PPOX: variants seen among roughly 807,000 people sequenced by gnomAD.
PPOX encodes variegate porphyria.
A neutral mutation model predicts 54.1 loss-of-function variants in PPOX; 23 were observed. The observed-to-expected ratio is 0.43, with a 90% CI of 0.31 to 0.60. PPOX has a LOEUF of 0.60. Among genes scored for constraint, PPOX ranks in the 20% least tolerant of loss-of-function variants. The pLI, the probability that PPOX is intolerant of heterozygous loss-of-function variation, is 0.13. For synonymous variants in PPOX, 224 were observed against 236.1 expected, an observed-to-expected ratio of 0.95 and a Z score of 0.47; for missense variants, 512 against 601.1, an observed-to-expected ratio of 0.85 and a Z score of 1.55.
intron 4 of PPOX, 31 bp downstream of exon 4, chr1:161,167,517 T>C (rs1659420350): frequency 2.5e-6 from 4 of 1,571,638 alleles, no homozygotes; most frequent in Non-Finnish European, 3.5e-6. Flanking sequence ...CCTTTTACTG[T>C]GCCCTCATCC....
At chr1:161,170,223 G>C in intron 9 of PPOX, 186 bp from the exon 10 acceptor site, 1 of 843,628 alleles carries the variant, frequency 1.2e-6, no homozygotes, top group South Asian at 1.5e-5. Flanking sequence ...TACTCGGGAG[G>C]CTAAGGCAGG....
chr1:161,170,053 A>C, intron 9 of PPOX, 29 bp downstream of exon 9: 1 of 1,596,130 alleles, frequency 6.3e-7, no homozygotes, highest in South Asian at 1.1e-5. Context: ...GAGGCTGGGC[A>C]TGGTGGCTCA....
downstream of PPOX, chr1:161,175,312 T>G: frequency 8.2e-7 from 1 of 1,217,742 alleles, no homozygotes; most frequent in Non-Finnish European, 1.2e-6. Context: ...CCTCTGACAC[T>G]GGCAGTCTGG....
chr1:161,172,252 T>C (rs781133882), downstream of PPOX: 2 of 1,614,152 alleles, frequency 1.2e-6, no homozygotes, highest in Non-Finnish European at 1.7e-6. Context: ...TCATTGCCCT[T>C]ATCTCCTCGG....
chr1:161,174,972 T>A, downstream of PPOX: 1 of 1,608,348 alleles, frequency 6.2e-7, no homozygotes, highest in Non-Finnish European at 8.5e-7. Flanking sequence ...TCAGTCAAAA[T>A]GAGGTGGAGA....
At chr1:161,167,552 C>CTTTTATT in intron 4 of PPOX, 66 bp downstream of exon 4, 2 of 573,734 alleles carry the variant, frequency 3.5e-6, no homozygotes, top group Non-Finnish European at 5.4e-6. Flanking sequence ...TTTCTTTCTT[C>CTTTTATT]TTTTCTTTTT....
At position 161,171,094 on chromosome 1, in the gene PPOX, A is replaced by G. The variant is rs766465470; in HGVS notation, c.1352A>G (p.Tyr451Cys). ...RLPLTLAGAS[Y>C]EGVAVNDCIE... Reference sequence around the variant, plus strand: ...CCCCTGACTCTGGCTGGAGCCTCCTATGAGGGAGTTGCTGTTAATGACTGT... The same window carrying G: ...CCCCTGACTCTGGCTGGAGCCTCCTGTGAGGGAGTTGCTGTTAATGACTGT... The change falls in exon 13 of 13, where the codon TAT (tyrosine) becomes TGT (cysteine). Residue 451 changes from tyrosine (Y) to cysteine (C), a missense_variant. Coordinates refer to ENST00000367999, the MANE Select transcript of PPOX (RefSeq NM_001122764.3). 6.2e-7 allele frequency: 1 copy of G among 1,614,036 alleles called. No homozygotes were observed. The highest frequency in any genetic ancestry group is 1.1e-5 in the South Asian group (1 of 91,080).
At position 161,168,138 on chromosome 1, in the gene PPOX, C is replaced by T; in HGVS notation, c.471+11C>T. The T allele has an allele frequency of 6.2e-7, 1 of 1,614,154 alleles. No individual in the cohort carries two copies. ...CGCCTTGGACCTGAGGTGACACTTGCCCAGAGGCCCCAAACCTCTTCCCTC... is the reference window on the plus strand; with the variant it reads ...CGCCTTGGACCTGAGGTGACACTTGTCCAGAGGCCCCAAACCTCTTCCCTC... On this transcript the variant is annotated intron_variant, in intron 5 of 12. Coordinates refer to ENST00000367999, the MANE Select transcript of PPOX (RefSeq NM_001122764.3).
downstream of PPOX, chr1:161,176,070 G>C: frequency 6.2e-7 from 1 of 1,613,118 alleles, no homozygotes; most frequent in Non-Finnish European, 8.5e-7. Flanking sequence ...TCCTGGGGGT[G>C]AGATCTAGGG....
chr1:161,175,811 A>T (rs1341232193), downstream of PPOX: 1 of 1,613,734 alleles, frequency 6.2e-7, no homozygotes, highest in Non-Finnish European at 8.5e-7. Context: ...CACTTACCTA[A>T]GAGAGGAGAT....
intron 4 of PPOX, 42 bp from the exon 5 acceptor site, chr1:161,167,953 T>C (rs12027271): frequency 6.2e-7 from 1 of 1,613,290 alleles, no homozygotes; most frequent in Non-Finnish European, 8.5e-7. Context: ...GCTGGGGAGG[T>C]ATGTCAGGAG....
downstream of PPOX, chr1:161,173,885 G>A (rs755642811): frequency 4.3e-6 from 7 of 1,613,928 alleles, no homozygotes; most frequent in East Asian, 2.2e-5. Context: ...TCATAGCAAC[G>A]GCAACATGGC....
intron 8 of PPOX, 74 bp from the exon 9 acceptor site, chr1:161,169,832 G>C: frequency 1.2e-6 from 2 of 1,614,068 alleles, no homozygotes; most frequent in Middle Eastern, 1.6e-4. Context: ...CATCTCTATG[G>C]GAGTCTAATC....
chr1:161,169,948 G>A lies in PPOX; in HGVS notation c.911G>A (p.Arg304His), dbSNP rs36013429. 97,347 of 1,614,090 alleles carry A rather than the reference G, an allele frequency of 0.06. 3,142 individuals are homozygous for A. The highest frequency in any genetic ancestry group is 0.069 in the South Asian group (6,303 of 91,082). Reference sequence around the variant, plus strand: ...CCTGCTGAGGCTGCCCCTCTGGCTCGTGCCCTGAGTGCCATCACTGCAGTG... The same window carrying A: ...CCTGCTGAGGCTGCCCCTCTGGCTCATGCCCTGAGTGCCATCACTGCAGTG... Reference protein sequence around the residue: ...LLPAEAAPLARALSAITAVSV... With the variant: ...LLPAEAAPLAHALSAITAVSV... The change falls in exon 9 of 13, where the codon CGT becomes CAT. Residue 304 changes from arginine (R) to histidine (H), a missense_variant. Coordinates refer to ENST00000367999, the MANE Select transcript of PPOX (RefSeq NM_001122764.3).
chr1:161,174,332 C>T (rs1479046172), downstream of PPOX, among the ~76,000 whole-genome samples: 1 of 150,042 alleles, frequency 6.7e-6, no homozygotes, highest in South Asian at 2.1e-4. Flanking sequence ...GCGTAAAACC[C>T]GGGAGGTGGA....
chr1:161,177,568 C>G (rs1002078161), downstream of PPOX: 9 of 164,216 alleles, frequency 5.5e-5, 1 homozygote, highest in South Asian at 2.8e-4. Flanking sequence ...GACTAGGCAC[C>G]CGGTCCCAGA....
chr1:161,168,004 C>T lies in PPOX; in HGVS notation c.348C>T (p.Leu116=). The change falls in exon 5 of 13, where the codon CTC becomes CTT. Residue 116 remains leucine, a synonymous_variant. Coordinates refer to ENST00000367999, the MANE Select transcript of PPOX (RefSeq NM_001122764.3). ...GCCTTTCTCCATGCAGGGGGCTACT[C>T]CGCCCTTCACCCCCCTTCTCCAAAC... ...HALPTGLRGL[L]RPSPPFSKPL... is the part of the protein sequence containing the mutation. 6.2e-7 allele frequency: 1 copy of T among 1,614,168 alleles called. No individual in the cohort carries two copies. Among genetic ancestry groups the T allele is most frequent in the Non-Finnish European group, 8.5e-7 (1 of 1,180,046 alleles).
chr1:161,173,619 G>A (rs373749788), downstream of PPOX: 13 of 1,614,040 alleles, frequency 8.1e-6, no homozygotes, highest in African/African-American at 1.3e-5. Context: ...TAGCAATGTC[G>A]TCATCCTCAC....
chr1:161,174,959 AAGTC>A (rs766542275), downstream of PPOX: 16 of 1,600,488 alleles, frequency 1.0e-5, no homozygotes, highest in African/African-American at 1.2e-4. Flanking sequence ...CCTTAGAAGA[AAGTC>A]AGTCAAAATG....
Sources: allele counts gnomAD v4.1 joint callset (sites outside exome capture counted in the v4.1 genomes callset), GRCh38; gene constraint gnomAD v4.1.1; transcripts MANE v1.5; gene names NCBI Gene and HGNC (gene_info 2026-07-23, HGNC 2026-07-21).